The following IQGAP2 variants were observed in gnomAD, a reference collection of about 807,000 sequenced individuals.
IQGAP2 encodes the protein IQ motif containing GTPase activating protein 2.
A neutral mutation model predicts 201.3 loss-of-function variants in IQGAP2; 173 were observed. The observed-to-expected ratio is 0.86, with a 90% confidence interval of 0.76 to 0.98. The LOEUF (loss-of-function observed/expected upper bound fraction) is 0.98. IQGAP2 is among the 50% of genes least tolerant of loss of function. The pLI, the probability that IQGAP2 is intolerant of heterozygous loss-of-function variation, is 0.00. For missense variants in IQGAP2, 1,687 were observed against 1,864.8 expected (o/e 0.90, Z 1.76); for synonymous variants, 675 against 673.9 (o/e 1.00, Z -0.03).
At chr5:76,433,760 C>T (rs774481205) in intron 1 of IQGAP2, among the ~76,000 whole-genome samples, 1 of 152,122 alleles carries the variant, frequency 6.6e-6, no homozygotes, top group Non-Finnish European at 1.5e-5. Context: ...GCGTAGAGAT[C>T]GGTGAATATC....
intron 2 of IQGAP2, among the ~76,000 whole-genome samples, chr5:76,464,713 GAA>G (rs1754676961): frequency 6.6e-6 from 1 of 151,974 alleles, no homozygotes; most frequent in Non-Finnish European, 1.5e-5. Flanking sequence ...TCAGGCCATT[GAA>G]AAGTTCTTTA....
intron 2 of IQGAP2, among the ~76,000 whole-genome samples, chr5:76,534,714 A>G (rs1319985760): frequency 6.6e-6 from 1 of 152,152 alleles, no homozygotes; most frequent in Non-Finnish European, 1.5e-5. Flanking sequence ...GATTTGAAAA[A>G]CTTTAAAACT....
intron 22 of IQGAP2, among the ~76,000 whole-genome samples, chr5:76,666,576 T>G (rs1448325638): frequency 6.6e-6 from 1 of 152,216 alleles, no homozygotes; most frequent in East Asian, 1.9e-4. Context: ...CAATCCAAAA[T>G]GTACAACCAA....
chr5:76,697,393 C>T (rs546695725), intron 32 of IQGAP2, among the ~76,000 whole-genome samples: 4 of 152,306 alleles, frequency 2.6e-5, no homozygotes, highest in African/African-American at 9.6e-5. Context: ...CCTATAATCC[C>T]AGCACTTCGG....
Position 76,658,462 on chromosome 5 carries a change from G to T in IQGAP2, c.2324G>T (p.Gly775Val), listed in dbSNP as rs760539641. Residue 775 changes from glycine (G) to valine (V), a missense_variant, in exon 21 of 36, where the codon GGC (glycine) becomes GTC (valine). Physicochemically the swap from Gly to Val is moderately radical, Grantham distance 109 (BLOSUM62 -3). Coordinates refer to ENST00000274364, the MANE Select transcript of IQGAP2 (RefSeq NM_006633.5). ...ATACCTGTTCCTGTCACTGCAGTTG[G>T]CTCTGAAAACCCACCATTAACAGTA... ...KARDDYKTLV[G>V]SENPPLTVIR... 1.9e-6 allele frequency: 3 copies of T among 1,612,600 alleles called. No homozygotes were observed. The highest frequency in any genetic ancestry group is 2.2e-5 in the South Asian group (2 of 90,968).
chr5:76,605,004 A>G (rs1747703035), intron 11 of IQGAP2, among the ~76,000 whole-genome samples: 1 of 152,200 alleles, frequency 6.6e-6, no homozygotes, highest in South Asian at 2.1e-4. Context: ...CCTAGAGACT[A>G]TTCAGAATTC....
intron 4 of IQGAP2, among the ~76,000 whole-genome samples, chr5:76,572,320 T>A (rs1027457470): frequency 6.6e-6 from 1 of 151,880 alleles, no homozygotes; most frequent in African/African-American, 2.4e-5. Flanking sequence ...TTCAAGTGAT[T>A]CTCGGGGTTA....
At chr5:76,606,634 C>G (rs1293673295) in intron 12 of IQGAP2, 2 of 161,066 alleles carry the variant, frequency 1.2e-5, no homozygotes, top group African/African-American at 4.8e-5. Context: ...TTTATTTTGA[C>G]CTTTTATTTG....
Position 76,606,307 on chromosome 5 carries a change from A to T in IQGAP2, c.1357+4A>T. The T allele has an allele frequency of 6.3e-7, 1 of 1,588,752 alleles. No homozygotes were observed. Among genetic ancestry groups the T allele is most frequent in the Non-Finnish European group, 8.6e-7 (1 of 1,167,748 alleles). On this transcript the variant is annotated splice_donor_region_variant and intron_variant, in intron 12 of 35. Transcript: ENST00000274364. Reference sequence around the variant, plus strand: ...CAAATTCAAGAAGAAAATGACCGTAAGTATAAGACACTTTCCTTCTCTAGC... The same window carrying T: ...CAAATTCAAGAAGAAAATGACCGTATGTATAAGACACTTTCCTTCTCTAGC...
At chr5:76,461,200 T>C (rs1483687969) in intron 1 of IQGAP2, among the ~76,000 whole-genome samples, 1 of 151,440 alleles carries the variant, frequency 6.6e-6, no homozygotes, top group Non-Finnish European at 1.5e-5. Context: ...TTAGAAATAA[T>C]ACTGTAAAAA....
At chr5:76,477,738 G>C (rs1755526715) in intron 2 of IQGAP2, among the ~76,000 whole-genome samples, 1 of 152,170 alleles carries the variant, frequency 6.6e-6, no homozygotes, top group Admixed American at 6.5e-5. Flanking sequence ...TATCATAGGA[G>C]ATAACAGCTC....
intron 22 of IQGAP2, among the ~76,000 whole-genome samples, chr5:76,667,215 A>G (rs1288063384): frequency 6.6e-6 from 1 of 152,208 alleles, no homozygotes; most frequent in Non-Finnish European, 1.5e-5. Context: ...TAATTCCTAT[A>G]TACTTCACAT....
At chr5:76,406,940 G>C (rs1375227015) in intron 1 of IQGAP2, among the ~76,000 whole-genome samples, 1 of 152,130 alleles carries the variant, frequency 6.6e-6, no homozygotes. Context: ...ATGTTGTGGG[G>C]GCGGGGAAGG....
chr5:76,648,362 C>G (rs1752248332), intron 17 of IQGAP2, among the ~76,000 whole-genome samples: 3 of 152,180 alleles, frequency 2.0e-5, no homozygotes, highest in Admixed American at 6.5e-5. Context: ...AGTGCCCCCA[C>G]TTTTTCCTTG....
At chr5:76,625,641 A>T (rs576655307) in intron 13 of IQGAP2, among the ~76,000 whole-genome samples, 1 of 152,338 alleles carries the variant, frequency 6.6e-6, no homozygotes, top group East Asian at 1.9e-4. Context: ...ACGATGAAAT[A>T]ACAGATAGTT....
chr5:76,416,775 C>T (rs1462096092), intron 1 of IQGAP2, among the ~76,000 whole-genome samples: 1 of 151,930 alleles, frequency 6.6e-6, no homozygotes, highest in African/African-American at 2.4e-5. Flanking sequence ...ATCCGCCCAC[C>T]TCGGCTTCCC....
chr5:76,531,483 C>T (rs2150207432), intron 2 of IQGAP2, among the ~76,000 whole-genome samples: 1 of 152,188 alleles, frequency 6.6e-6, no homozygotes, highest in East Asian at 1.9e-4. Context: ...CAGGCTAGCT[C>T]AAGCTCTTTT....
At chr5:76,563,039 T>C (rs983131345) in intron 3 of IQGAP2, among the ~76,000 whole-genome samples, 19 of 152,152 alleles carry the variant, frequency 1.2e-4, no homozygotes, top group African/African-American at 4.6e-4. Context: ...TGGGAAGCAT[T>C]AGAAAATAAA....
At chr5:76,574,049 A>C (rs1170139430) in intron 4 of IQGAP2, among the ~76,000 whole-genome samples, 1 of 152,160 alleles carries the variant, frequency 6.6e-6, no homozygotes, top group African/African-American at 2.4e-5. Context: ...GTAGCTCAAG[A>C]AACTTTGCTT....
Sources: gnomAD v4.1 joint callset for allele counts (sites outside exome capture counted in the v4.1 genomes callset) on GRCh38, gnomAD v4.1.1 for gene constraint, MANE v1.5 for transcripts, NCBI Gene and HGNC (gene_info 2026-07-23, HGNC 2026-07-21) for gene names.